The following DYNC2H1 variants were observed in gnomAD, a reference collection of about 807,000 sequenced individuals.
DYNC2H1 encodes the protein dynein cytoplasmic 2 heavy chain 1.
In DYNC2H1, 410 loss-of-function variants were observed where a neutral mutation model predicts 570.0. The observed-to-expected ratio is 0.72, with a 90% CI of 0.66 to 0.78. DYNC2H1 has a LOEUF of 0.78. DYNC2H1 is among the 30% of genes least tolerant of loss of function. DYNC2H1 has a pLI of 0.00. For synonymous variants in DYNC2H1, 1,688 were observed against 1,677.6 expected (o/e 1.01, Z -0.15); for missense variants, 4,865 against 5,046.4 (o/e 0.96, Z 1.09).
intron 88 of DYNC2H1, among the ~76,000 whole-genome samples, chr11:103,473,131 C>T (rs1380214109): frequency 1.3e-5 from 2 of 151,896 alleles, no homozygotes; most frequent in Admixed American, 1.3e-4. Context: ...ATGCAGTGTA[C>T]TTTGTGAATT....
At position 103,245,865 on chromosome 11, in the gene DYNC2H1, G is replaced by C. The variant is rs1309339729; in HGVS notation, c.10042+491G>C. On this transcript the variant is annotated intron_variant, in intron 65 of 88. Transcript: ENST00000375735. This position sits in a 1 kb window ranked among gnomAD's most constrained non-coding sequence, Gnocchi z 4.5. ...CCAGCCCAGTCTTGGATGATTAGAA[G>C]GCTATGCCTTGAAACTTAAAGAGCA... 3.3e-5 allele frequency among the ~76,000 whole-genome samples: 5 copies of C among 152,074 alleles called. No individual in the cohort carries two copies. Among genetic ancestry groups the C allele is most frequent in the Non-Finnish European group, 7.4e-5 (5 of 67,992 alleles).
intron 82 of DYNC2H1, among the ~76,000 whole-genome samples, chr11:103,345,394 T>A (rs1036936186): frequency 6.6e-6 from 1 of 152,220 alleles, no homozygotes; most frequent in Non-Finnish European, 1.5e-5. Flanking sequence ...AGAATTGTTA[T>A]GTCAAATTGT....
Position 103,299,978 on chromosome 11 carries a change from C to G in DYNC2H1, c.11096-3115C>G, listed in dbSNP as rs1349904838. Among the ~76,000 whole-genome samples, 8 of 151,938 alleles carry G rather than the reference C, an allele frequency of 5.3e-5. No individual in the cohort carries two copies. In the East Asian group the frequency reaches 1.5e-3, roughly 29 times the overall value. ...TTAGGTAGTGGCTGTTGATTTTCCTCTTTTTATTGATGTTTGTGGTACATT... is the reference window on the plus strand; with the variant it reads ...TTAGGTAGTGGCTGTTGATTTTCCTGTTTTTATTGATGTTTGTGGTACATT... On this transcript the variant is annotated intron_variant, in intron 75 of 88. Transcript: ENST00000375735. This position sits in a 1 kb window ranked among gnomAD's most constrained non-coding sequence, Gnocchi z 4.5.
rs756035016 is a variant in DYNC2H1 at position 103,283,103 on chromosome 11, T to G, written c.10890+18T>G. 3 of 1,582,920 alleles carry G rather than the reference T, an allele frequency of 1.9e-6. No homozygotes were observed. The highest frequency in any genetic ancestry group is 2.6e-6 in the Non-Finnish European group (3 of 1,156,618). On this transcript the variant is annotated intron_variant, in intron 73 of 88. Coordinates refer to ENST00000375735, the MANE Select transcript of DYNC2H1 (RefSeq NM_001377.3). Reference sequence around the variant, plus strand: ...CATTAAAGGTATTCCTTTTCTACTATGAGACATGTTTTAATTTCTTCTGTA... The same window carrying G: ...CATTAAAGGTATTCCTTTTCTACTAGGAGACATGTTTTAATTTCTTCTGTA...
At chr11:103,135,472 A>G in intron 15 of DYNC2H1, 23 bp from the exon 16 acceptor site, 1 of 1,464,616 alleles carries the variant, frequency 6.8e-7, no homozygotes, top group Non-Finnish European at 9.1e-7. Flanking sequence ...TTTTAAATTA[A>G]AAATGTGAAT....
chr11:103,285,885 G>C (rs1167079829), intron 73 of DYNC2H1, among the ~76,000 whole-genome samples: 1 of 152,152 alleles, frequency 6.6e-6, no homozygotes, highest in Non-Finnish European at 1.5e-5. Flanking sequence ...GACAAAGAGA[G>C]TCTTTGTTAA....
In DYNC2H1 at chr11:103,437,242, T is replaced by C. The variant is rs150024577; in HGVS notation, c.12456+1210T>C. On this transcript the variant is annotated intron_variant, in intron 85 of 88. Transcript: ENST00000375735. ...TCATCTACAAATTTGTTTGAAGCCA[T>C]CTTCGTCATCTTTGTTCTAATATAA... is the stretch of plus-strand genomic sequence containing the variant. 2.2e-4 allele frequency among the ~76,000 whole-genome samples: 34 copies of C among 151,976 alleles called. No individual in the cohort carries two copies. The East Asian group carries it at 6.0e-3, about 27-fold the overall frequency.
At chr11:103,111,825 C>T (rs1000777068) in intron 1 of DYNC2H1, among the ~76,000 whole-genome samples, 2 of 151,930 alleles carry the variant, frequency 1.3e-5, no homozygotes, top group African/African-American at 4.8e-5. Context: ...CTTTAGTTGC[C>T]TGATAGTTAG....
At chr11:103,238,319 C>T (rs534763719) in intron 63 of DYNC2H1, among the ~76,000 whole-genome samples, 2 of 152,210 alleles carry the variant, frequency 1.3e-5, no homozygotes, top group South Asian at 4.1e-4. Flanking sequence ...CTTGTAATCC[C>T]AGCACTTTGG....
chr11:103,271,050 T>C (rs1223128625), intron 70 of DYNC2H1, among the ~76,000 whole-genome samples: 1 of 152,194 alleles, frequency 6.6e-6, no homozygotes, highest in Non-Finnish European at 1.5e-5. Flanking sequence ...TGAATTTGTT[T>C]GTTGATGGAG....
chr11:103,291,377 G>A (rs191577241), intron 75 of DYNC2H1, among the ~76,000 whole-genome samples: 3 of 152,250 alleles, frequency 2.0e-5, no homozygotes, highest in Admixed American at 2.0e-4. Context: ...GCGAAGGGTT[G>A]CTGTGAGCTG....
chr11:103,179,748 A>G (rs1368622760), intron 39 of DYNC2H1, among the ~76,000 whole-genome samples: 1 of 151,512 alleles, frequency 6.6e-6, no homozygotes, highest in Admixed American at 6.6e-5. Context: ...TTTCTTCTTC[A>G]GTATATTTGG....
rs114350609 is a variant in DYNC2H1, at chr11:103,452,049, C to T, written c.12457-3137C>T. 2.9e-3 allele frequency among the ~76,000 whole-genome samples: 434 copies of T among 151,920 alleles called. 1 individual carries two copies. The highest frequency in any genetic ancestry group is 0.014 in the Middle Eastern group (4 of 294). ...TTTCCTCATGTGAATTTTTTTCCTC[C>T]ATTATGGAATAAAATTTTACTCTGA... On this transcript the variant is annotated intron_variant, in intron 85 of 88. Coordinates refer to ENST00000375735, the MANE Select transcript of DYNC2H1 (RefSeq NM_001377.3).
intron 78 of DYNC2H1, among the ~76,000 whole-genome samples, chr11:103,310,024 G>A (rs1867502196): frequency 6.6e-6 from 1 of 151,990 alleles, no homozygotes; most frequent in African/African-American, 2.4e-5. Flanking sequence ...GTAGTTCATT[G>A]AGATGTTCAA....
intron 88 of DYNC2H1, among the ~76,000 whole-genome samples, chr11:103,476,169 T>C (rs1331332538): frequency 2.6e-5 from 4 of 152,178 alleles, no homozygotes. Flanking sequence ...AGCTTTGCCA[T>C]CTAAGCAGAA....
At chr11:103,418,867 G>C (rs1180926888) in intron 84 of DYNC2H1, among the ~76,000 whole-genome samples, 1 of 152,144 alleles carries the variant, frequency 6.6e-6, no homozygotes, top group Non-Finnish European at 1.5e-5. Context: ...ACACCACCAG[G>C]GCCTTGGGTC....
chr11:103,423,775 ATATTTT>A (rs1274728063), intron 84 of DYNC2H1, among the ~76,000 whole-genome samples: 1 of 152,102 alleles, frequency 6.6e-6, no homozygotes, highest in African/African-American at 2.4e-5. Context: ...AATTGTATAG[ATATTTT>A]ATTAAGACTT....
chr11:103,361,866 A>T (rs1940661464), intron 83 of DYNC2H1, among the ~76,000 whole-genome samples: 1 of 152,254 alleles, frequency 6.6e-6, no homozygotes, highest in South Asian at 2.1e-4. Context: ...GAAATTGTTA[A>T]CTAGGCCGAA....
chr11:103,119,714 C>G (rs945183222), intron 6 of DYNC2H1, among the ~76,000 whole-genome samples: 3 of 152,128 alleles, frequency 2.0e-5, no homozygotes, highest in African/African-American at 7.2e-5. Context: ...CATTTTATGT[C>G]TCATACCTAG....
Sources: allele counts gnomAD v4.1 joint callset (sites outside exome capture counted in the v4.1 genomes callset), GRCh38; gene constraint gnomAD v4.1.1; non-coding constraint Gnocchi (gnomAD v3.1); transcripts MANE v1.5; gene names NCBI Gene and HGNC (gene_info 2026-07-23, HGNC 2026-07-21).